METTL22: variants seen among roughly 807,000 people sequenced by gnomAD.
METTL22 encodes the protein methyltransferase-like protein 22.
Under a neutral mutation model 48.4 loss-of-function variants are expected in METTL22, and 51 were observed. That is an observed-to-expected ratio of 1.05 (90% CI 0.84 to 1.33). The LOEUF (loss-of-function observed/expected upper bound fraction) is 1.33. Among genes scored for constraint, METTL22 ranks in the 40% most tolerant of loss-of-function variants. The pLI, the probability that METTL22 is intolerant of heterozygous loss-of-function variation, is 0.00. For synonymous variants in METTL22, 255 were observed against 214.1 expected, an observed-to-expected ratio of 1.19 and a Z score of -1.67; for missense variants, 678 against 526.9, an observed-to-expected ratio of 1.29 and a Z score of -2.81.
chr16:8,634,918 C>T (rs2056374932), intron 3 of METTL22, 121 bp from the exon 4 acceptor site: 5 of 1,321,114 alleles, frequency 3.8e-6, no homozygotes, highest in African/African-American at 2.9e-5. Context: ...TCTAGAACGC[C>T]TCATTCCAAC....
Position 8,646,969 on chromosome 16 carries a change from C to G in METTL22, c.*826C>G. On this transcript the variant is annotated 3_prime_UTR_variant, in exon 11 of 11. Transcript: ENST00000381920. ...TCTATGTCCCACTGTCTCTCTCCTT[C>G]TCTCCAGTTTTGGTCCCATCTTCCT... The G allele has an allele frequency of 3.0e-6, 1 of 332,936 alleles. No homozygotes were observed. Among genetic ancestry groups the G allele is most frequent in the Non-Finnish European group, 5.9e-6 (1 of 169,088 alleles). The allele number at this position is 332,936 out of a possible 1,614,324, so 20.6% of individuals were successfully genotyped here.
the METTL22 span, among the ~76,000 whole-genome samples, chr16:8,659,226 G>A: frequency 2.6e-5 from 4 of 151,988 alleles, no homozygotes; most frequent in Non-Finnish European, 5.9e-5. Flanking sequence ...AGCTACTTGT[G>A]AGGCTAAGAA....
chr16:8,629,402 C>T (rs557438968), intron 3 of METTL22, among the ~76,000 whole-genome samples: 1 of 152,338 alleles, frequency 6.6e-6, no homozygotes, highest in African/African-American at 2.4e-5. Context: ...CAGTTTCCAG[C>T]TCAGCCACAC....
the METTL22 span, among the ~76,000 whole-genome samples, chr16:8,662,321 T>C: frequency 6.9e-6 from 1 of 145,444 alleles, no homozygotes; most frequent in Non-Finnish European, 1.5e-5. Context: ...CCCAGAGCTC[T>C]TTCCATGACC....
In METTL22 at chr16:8,631,370, G is replaced by A. The variant is rs116763846; in HGVS notation, c.514+2260G>A. 292 of 152,258 alleles carry A rather than the reference G, an allele frequency of 1.9e-3. 1 individual carries two copies. The highest frequency in any genetic ancestry group is 6.8e-3 in the African/African-American group (282 of 41,552). The allele number at this position is 152,258 out of a possible 1,614,324, so 9.4% of individuals were successfully genotyped here. A position where few individuals can be genotyped will look rare whatever the true frequency, so the allele number is the denominator to read the frequency against. ...ATAAAGTGAGACCCCAAGAGAACTCGAGAAAGGCAGGGCTGGAACTCAGGC... is the reference window on the plus strand; with the variant it reads ...ATAAAGTGAGACCCCAAGAGAACTCAAGAAAGGCAGGGCTGGAACTCAGGC... On this transcript the variant is annotated intron_variant, in intron 3 of 10. Coordinates refer to ENST00000381920, the MANE Select transcript of METTL22 (RefSeq NM_024109.4).
In METTL22 at chr16:8,628,971, GAGA is replaced by G. The variant is rs765234604; in HGVS notation, c.379_381del (p.Arg127del). On this transcript the variant is annotated inframe_deletion, in exon 3 of 11. Transcript: ENST00000381920. ...ATGAGGATGGGGATTTGGACGTGGT[GAGA>G]AGACCACGAGCCGCCTCTGATTCCA... 6.2e-7 allele frequency: 1 copy of G among 1,614,094 alleles called. No homozygotes were observed. Among genetic ancestry groups the G allele is most frequent in the East Asian group, 2.2e-5 (1 of 44,876 alleles).
chr16:8,622,064 C>G (rs73491470), intron 1 of METTL22, among the ~76,000 whole-genome samples: 5,796 of 152,280 alleles, frequency 0.038, 371 homozygotes, highest in African/African-American at 0.13. Context: ...AGTTAACCCA[C>G]AAGGGTGGCG....
the METTL22 span, among the ~76,000 whole-genome samples, chr16:8,655,565 A>T: frequency 6.6e-6 from 1 of 152,232 alleles, no homozygotes; most frequent in African/African-American, 2.4e-5. Context: ...TGAGTCACTA[A>T]GTCCAGCCCA....
Position 8,649,619 on chromosome 16 carries a change from CCG to C in METTL22, c.*3477_*3478del. On this transcript the variant is annotated 3_prime_UTR_variant, in exon 11 of 11. Coordinates refer to ENST00000381920, the MANE Select transcript of METTL22 (RefSeq NM_024109.4). The stretch of plus-strand genomic sequence containing the variant: ...CCAGCCTGGCCAACATGGTGAAACC[CCG>C]TCTCTACTAAAAATACAAAAAAAAA... 7.6e-6 allele frequency: 1 copy of C among 132,062 alleles called. No homozygotes were observed. Among genetic ancestry groups the C allele is most frequent in the Non-Finnish European group, 1.6e-5 (1 of 63,350 alleles). The allele number at this position is 132,062 out of a possible 1,614,324, so 8.2% of individuals were successfully genotyped here.
At chr16:8,642,273 C>A in intron 8 of METTL22, 66 bp downstream of exon 8, 1 of 1,434,020 alleles carries the variant, frequency 7.0e-7, no homozygotes, top group Non-Finnish European at 9.8e-7. Flanking sequence ...GCAGTCTCTC[C>A]TCACTTCCCC....
chr16:8,634,594 AAAT>A (rs1224046595), intron 3 of METTL22, among the ~76,000 whole-genome samples: 60 of 152,336 alleles, frequency 3.9e-4, no homozygotes, highest in African/African-American at 1.2e-3. Context: ...AAGTATGAGA[AAAT>A]AATGAAGTTA....
chr16:8,628,400 G>C (rs1285368289), intron 2 of METTL22, among the ~76,000 whole-genome samples: 1 of 152,174 alleles, frequency 6.6e-6, no homozygotes, highest in Non-Finnish European at 1.5e-5. Context: ...GCCTTGGTCA[G>C]CTTAGTCCTC....
intron 1 of METTL22, among the ~76,000 whole-genome samples, chr16:8,622,618 T>A (rs2055892707): frequency 6.6e-6 from 1 of 152,216 alleles, no homozygotes; most frequent in South Asian, 2.1e-4. Flanking sequence ...CTTCCCAGCA[T>A]TCACTTTAAT....
At chr16:8,651,876 C>T (rs530699131), downstream of METTL22, among the ~76,000 whole-genome samples, 155 of 151,964 alleles carry the variant, frequency 1.0e-3, no homozygotes, top group African/African-American at 3.4e-3. Context: ...GGATGGGGGA[C>T]GAGGAGGGAG....
intron 3 of METTL22, chr16:8,631,513 CAG>C (rs1432260159): frequency 6.6e-6 from 1 of 152,184 alleles, no homozygotes; most frequent in African/African-American, 2.4e-5. Flanking sequence ...GTAAGGAATT[CAG>C]AGAGACAGCA....
chr16:8,646,461 A>G lies in METTL22; in HGVS notation c.*318A>G. 1 of 603,130 alleles carries G rather than the reference A, an allele frequency of 1.7e-6. No individual in the cohort carries two copies. The highest frequency in any genetic ancestry group is 1.5e-5 in the South Asian group (1 of 65,900). The allele number at this position is 603,130 out of a possible 1,614,324, so 37.4% of individuals were successfully genotyped here. ...GTCAGTCATTTCAGCTGTGTGCTTT[A>G]CTTGCGGTTGCGGCCCTGGCTGTGA... On this transcript the variant is annotated 3_prime_UTR_variant, in exon 11 of 11. Transcript: ENST00000381920.
At chr16:8,664,020 C>T in the METTL22 span, among the ~76,000 whole-genome samples, 1 of 152,100 alleles carries the variant, frequency 6.6e-6, no homozygotes, top group South Asian at 2.1e-4. Flanking sequence ...TAGATGGCCC[C>T]AGTTAATAAC....
chr16:8,639,375 A>G, intron 6 of METTL22: 1 of 591,026 alleles, frequency 1.7e-6, no homozygotes, highest in East Asian at 2.8e-5. Context: ...CCACTGCGTC[A>G]TCCTACTCCA....
intron 3 of METTL22, among the ~76,000 whole-genome samples, chr16:8,634,078 G>A (rs1337200531): frequency 6.6e-6 from 1 of 152,190 alleles, no homozygotes; most frequent in Non-Finnish European, 1.5e-5. Context: ...AAAGTGCCTT[G>A]TAAGCCACCA....
Sources: allele counts gnomAD v4.1 joint callset (sites outside exome capture counted in the v4.1 genomes callset), GRCh38; gene constraint gnomAD v4.1.1; transcripts MANE v1.5; gene names NCBI Gene and HGNC (gene_info 2026-07-23, HGNC 2026-07-21).